Variants in FRMPD4 observed in about 807,000 individuals in gnomAD.
The protein encoded by FRMPD4 is FERM and PDZ domain-containing protein 4.
In FRMPD4, 22 loss-of-function variants were observed where a neutral mutation model predicts 94.1. That is an observed-to-expected ratio of 0.23 (90% confidence interval 0.17 to 0.33). FRMPD4 has a LOEUF of 0.33. Among genes scored for constraint, FRMPD4 ranks in the 10% least tolerant of loss-of-function variants. FRMPD4 has a pLI of 1.00. For synonymous variants in FRMPD4, 631 were observed against 548.6 expected (o/e 1.15, Z -2.10); for missense variants, 1,111 against 1,339.9 (o/e 0.83, Z 2.67).
At chrX:12,524,234 G>A (rs1405658989) in intron 2 of FRMPD4, among the ~76,000 whole-genome samples, 4 of 112,082 alleles carry the variant, frequency 3.6e-5, no homozygotes, top group Non-Finnish European at 7.5e-5. Flanking sequence ...AAAGCAAAGG[G>A]GACTTCCTTA....
intron 1 of FRMPD4, among the ~76,000 whole-genome samples, chrX:12,250,282 T>C (rs1335265679): frequency 9.0e-6 from 1 of 111,376 alleles, no homozygotes; most frequent in African/African-American, 3.3e-5. Context: ...AACTGGGCAT[T>C]TAACAATGTC....
chrX:11,950,396 TTTTG>T (rs202082733), intron 3 of FRMPD4, among the ~76,000 whole-genome samples: 4 of 109,579 alleles, frequency 3.7e-5, no homozygotes, highest in African/African-American at 6.6e-5. Context: ...TAGTTAACTT[TTTTG>T]TTTGTTTGTT....
At chrX:12,550,336 G>C (rs1389129829) in intron 2 of FRMPD4, among the ~76,000 whole-genome samples, 1 of 81,504 alleles carries the variant, frequency 1.2e-5, no homozygotes, top group Non-Finnish European at 2.5e-5. Context: ...GTTGAATATG[G>C]AAAATAACCA....
intron 10 of FRMPD4, 80 bp from the exon 11 acceptor site, chrX:12,704,279 A>C (rs2041838317): frequency 2.6e-6 from 2 of 765,789 alleles, no homozygotes; most frequent in Non-Finnish European, 3.7e-6. Flanking sequence ...ATTTGTTCCA[A>C]CAAACATCAG....
At chrX:12,263,650 G>A (rs970243429) in intron 1 of FRMPD4, among the ~76,000 whole-genome samples, 11 of 111,535 alleles carry the variant, frequency 9.9e-5, no homozygotes, top group African/African-American at 3.6e-4. Flanking sequence ...CAAAGCCTGG[G>A]TAGCTATAGA....
intron 2 of FRMPD4, among the ~76,000 whole-genome samples, chrX:12,550,157 C>T (rs1274149640): frequency 9.0e-6 from 1 of 111,440 alleles, no homozygotes; most frequent in Non-Finnish European, 1.9e-5. Context: ...TAAGTACACA[C>T]TTTGGAACTT....
intron 1 of FRMPD4, among the ~76,000 whole-genome samples, chrX:11,852,629 T>G (rs2053631433): frequency 9.0e-6 from 1 of 110,750 alleles, no homozygotes; most frequent in Admixed American, 9.7e-5. Flanking sequence ...GAAAACAGAC[T>G]TTAAACCAAC....
At chrX:12,335,369 C>T (rs996207485) in intron 1 of FRMPD4, among the ~76,000 whole-genome samples, 1 of 111,631 alleles carries the variant, frequency 9.0e-6, no homozygotes, top group Non-Finnish European at 1.9e-5. Context: ...CTCAAGCCAT[C>T]CTCCTGCCTC....
At chrX:12,028,821 C>T in intron 3 of FRMPD4, among the ~76,000 whole-genome samples, 1 of 111,765 alleles carries the variant, frequency 8.9e-6, no homozygotes, top group Non-Finnish European at 1.9e-5. Context: ...TAGCCCACTG[C>T]TTTTTAGTGA....
chrX:12,138,536 T>C lies in FRMPD4; in HGVS notation c.-436T>C, dbSNP rs1396028581. ...GCTCGCCTGCCGTCTCCCGGCTCCGTCTGCGCTCCTCGGTGCGTGGGGCAC... is the reference window on the plus strand; with the variant it reads ...GCTCGCCTGCCGTCTCCCGGCTCCGCCTGCGCTCCTCGGTGCGTGGGGCAC... On this transcript the variant is annotated 5_prime_UTR_variant, in exon 1 of 17. Transcript: ENST00000675598. 4 of 223,841 alleles carry C rather than the reference T, an allele frequency of 1.8e-5. No individual in the cohort carries two copies. The highest frequency in any genetic ancestry group is 8.7e-5 in the African/African-American group (3 of 34,649). The allele number at this position is 223,841 out of a possible 1,213,427, so 18.4% of individuals were successfully genotyped here.
At chrX:12,011,925 GGA>G (rs1040807203) in intron 3 of FRMPD4, among the ~76,000 whole-genome samples, 2 of 98,442 alleles carry the variant, frequency 2.0e-5, no homozygotes, top group Non-Finnish European at 4.1e-5. Context: ...TTTTTTTGAT[GGA>G]GTCTCGCTGT....
chrX:12,709,654 C>T (rs914282364), intron 13 of FRMPD4, among the ~76,000 whole-genome samples: 1 of 111,570 alleles, frequency 9.0e-6, no homozygotes, highest in African/African-American at 3.3e-5. Context: ...TAATTTACAC[C>T]GTGAACCCAA....
At chrX:11,921,020 A>C (rs1601839607) in intron 3 of FRMPD4, among the ~76,000 whole-genome samples, 1 of 112,070 alleles carries the variant, frequency 8.9e-6, no homozygotes, top group East Asian at 2.8e-4. Context: ...TAAATGGTTT[A>C]ATTGCCCCCA....
chrX:12,455,873 CAAGT>C (rs2057327889), intron 1 of FRMPD4, among the ~76,000 whole-genome samples: 1 of 111,986 alleles, frequency 8.9e-6, no homozygotes, highest in Non-Finnish European at 1.9e-5. Context: ...TTTTTTCATA[CAAGT>C]GAGTTCCACT....
chrX:12,090,061 G>A (rs1301215060), intron 3 of FRMPD4, among the ~76,000 whole-genome samples: 1 of 111,566 alleles, frequency 9.0e-6, no homozygotes, highest in African/African-American at 3.3e-5. Flanking sequence ...GATACCTGGA[G>A]AATAGATAAG....
At chrX:12,602,615 C>T (rs1569359273) in intron 2 of FRMPD4, among the ~76,000 whole-genome samples, 1 of 112,135 alleles carries the variant, frequency 8.9e-6, no homozygotes, top group Non-Finnish European at 1.9e-5. Context: ...GATGCATGAG[C>T]TTTTGGTACA....
intron 1 of FRMPD4, among the ~76,000 whole-genome samples, chrX:12,420,897 G>A (rs1021724408): frequency 3.6e-5 from 4 of 111,705 alleles, no homozygotes; most frequent in African/African-American, 6.5e-5. Flanking sequence ...CCTATTTGTC[G>A]AATGAGGAAA....
chrX:12,388,852 C>T (rs866343797), intron 1 of FRMPD4, among the ~76,000 whole-genome samples: 190 of 76,056 alleles, frequency 2.5e-3, no homozygotes, highest in African/African-American at 0.012. Context: ...TATATATATA[C>T]ACACAATGGA....
intron 4 of FRMPD4, among the ~76,000 whole-genome samples, chrX:12,649,414 G>GAT (rs1261137394): frequency 9.0e-6 from 1 of 111,403 alleles, no homozygotes; most frequent in East Asian, 2.8e-4. Context: ...CATTTATGAA[G>GAT]ATATGATTCA....
Sources: gnomAD v4.1 joint callset for allele counts (sites outside exome capture counted in the v4.1 genomes callset) on GRCh38, gnomAD v4.1.1 for gene constraint, MANE v1.5 for transcripts, NCBI Gene and HGNC (gene_info 2026-07-23, HGNC 2026-07-21) for gene names.